EVL: variants seen among roughly 807,000 people sequenced by gnomAD.
The protein encoded by EVL is Enah/Vasp-like.
Under a neutral mutation model 59.6 loss-of-function variants are expected in EVL, and 21 were observed. The ratio of observed to expected loss-of-function variants is 0.35; its 90% CI spans 0.25 to 0.51. The LOEUF (loss-of-function observed/expected upper bound fraction) is 0.51. Among genes scored for constraint, EVL ranks in the 20% least tolerant of loss-of-function variants. The pLI is 0.97. For missense variants in EVL, 462 were observed against 546.6 expected (o/e 0.85, Z 1.54); for synonymous variants, 198 against 203.5 (o/e 0.97, Z 0.23).
At chr14:100,077,984 C>T (rs544871767) in intron 1 of EVL, among the ~76,000 whole-genome samples, 2 of 152,208 alleles carry the variant, frequency 1.3e-5, no homozygotes, top group East Asian at 1.9e-4. Context: ...ACCGGTTAGC[C>T]AGGATGGTCT....
At chr14:100,037,170 A>T (rs1248770001) in intron 1 of EVL, among the ~76,000 whole-genome samples, 1 of 152,192 alleles carries the variant, frequency 6.6e-6, no homozygotes, top group African/African-American at 2.4e-5. Flanking sequence ...TTTTTCTTTC[A>T]AAAGAAAGAA....
chr14:100,087,544 G>A (rs540860252), intron 2 of EVL, among the ~76,000 whole-genome samples: 46 of 152,294 alleles, frequency 3.0e-4, no homozygotes, highest in Admixed American at 2.7e-3. Flanking sequence ...AGTCCAGGAG[G>A]TTGAGGCTTC....
intron 3 of EVL, among the ~76,000 whole-genome samples, chr14:100,120,136 C>T (rs1485026223): frequency 6.6e-6 from 1 of 152,216 alleles, no homozygotes; most frequent in Non-Finnish European, 1.5e-5. Context: ...GGCATCGTTA[C>T]ACTGCTGCAT....
At chr14:99,991,819 T>C (rs116663807) in intron 1 of EVL, among the ~76,000 whole-genome samples, 232 of 152,312 alleles carry the variant, frequency 1.5e-3, no homozygotes, top group African/African-American at 5.4e-3. Flanking sequence ...TGACTGTTTA[T>C]GTTATCAGTA....
chr14:100,129,138 T>G (rs1888271225), intron 6 of EVL, among the ~76,000 whole-genome samples: 1 of 152,226 alleles, frequency 6.6e-6, no homozygotes, highest in Non-Finnish European at 1.5e-5. Flanking sequence ...TGCTGGCAAC[T>G]AGGTCCACCC....
intron 1 of EVL, among the ~76,000 whole-genome samples, chr14:99,982,624 T>C (rs2060814903): frequency 6.6e-6 from 1 of 152,090 alleles, no homozygotes; most frequent in Non-Finnish European, 1.5e-5. Context: ...TGTAGTTCTG[T>C]CTGCTCACCA....
chr14:100,072,942 A>G (rs1405016732), intron 1 of EVL, among the ~76,000 whole-genome samples: 1 of 152,202 alleles, frequency 6.6e-6, no homozygotes, highest in Non-Finnish European at 1.5e-5. Flanking sequence ...CGGATCAGCC[A>G]TGGGCGTTGG....
At chr14:99,982,031 GAGTGGCCGGTCCCTTCATGAAAC>G (rs2060810305) in intron 1 of EVL, among the ~76,000 whole-genome samples, 1 of 152,194 alleles carries the variant, frequency 6.6e-6, no homozygotes, top group Non-Finnish European at 1.5e-5. Flanking sequence ...AGGGTGAGAA[GAGTGGCCGGTCCCTTCATGAAAC>G]AGTTAAGGAG....
Position 100,006,955 on chromosome 14 carries a change from G to A in EVL, c.5+34898G>A, listed in dbSNP as rs187806078. Reference sequence around the variant, plus strand: ...TGAGCCATAAAGATAGCTCAAGCTGGTACAAGCACCAGTAGGAGATTTGTC... The same window carrying A: ...TGAGCCATAAAGATAGCTCAAGCTGATACAAGCACCAGTAGGAGATTTGTC... On this transcript the variant is annotated intron_variant, in intron 1 of 13. Coordinates refer to the EVL transcript ENST00000402714. Among the ~76,000 whole-genome samples the A allele has an allele frequency of 1.8e-4, 28 of 152,210 alleles. No homozygotes were observed. In the East Asian group the frequency reaches 5.2e-3, roughly 28 times the overall value.
chr14:100,031,048 A>G (rs952316624), intron 1 of EVL, among the ~76,000 whole-genome samples: 1 of 152,142 alleles, frequency 6.6e-6, no homozygotes, highest in Non-Finnish European at 1.5e-5. Context: ...CCTTCCAACA[A>G]TTGTAGCTAT....
intron 2 of EVL, among the ~76,000 whole-genome samples, chr14:100,091,154 A>T (rs2140310779): frequency 6.6e-6 from 1 of 152,256 alleles, no homozygotes; most frequent in East Asian, 1.9e-4. Flanking sequence ...AGAAAACAAG[A>T]GTCTCTCTCT....
intron 1 of EVL, among the ~76,000 whole-genome samples, chr14:100,000,340 CTTTTTTTTTTT>C (rs60864913): frequency 1.1e-4 from 11 of 99,848 alleles, no homozygotes; most frequent in African/African-American, 1.9e-4. Flanking sequence ...CTGTTGCATT[CTTTTTTTTTTT>C]TTTTTTTTTT....
intron 1 of EVL, among the ~76,000 whole-genome samples, chr14:99,998,268 C>T (rs577596866): frequency 6.6e-6 from 1 of 152,246 alleles, no homozygotes; most frequent in Non-Finnish European, 1.5e-5. Context: ...CCTCCCACCC[C>T]AGCCTCCCAA....
intron 2 of EVL, among the ~76,000 whole-genome samples, chr14:100,085,322 T>C (rs2062416201): frequency 6.6e-6 from 1 of 152,194 alleles, no homozygotes; most frequent in South Asian, 2.1e-4. Flanking sequence ...TCAGATAAGA[T>C]AGTTTGTGAG....
chr14:100,049,205 C>T (rs1424147579), intron 1 of EVL, among the ~76,000 whole-genome samples: 3 of 152,076 alleles, frequency 2.0e-5, no homozygotes, highest in Non-Finnish European at 4.4e-5. Flanking sequence ...TCCTATTTTT[C>T]TTTAAATGTT....
chr14:100,084,242 G>A (rs2062384409), intron 1 of EVL, among the ~76,000 whole-genome samples: 1 of 151,634 alleles, frequency 6.6e-6, no homozygotes, highest in Non-Finnish European at 1.5e-5. Flanking sequence ...AGAGGCAGGG[G>A]GCATCTCACC....
intron 1 of EVL, among the ~76,000 whole-genome samples, chr14:100,016,102 T>C (rs2061047859): frequency 6.6e-6 from 1 of 151,424 alleles, no homozygotes; most frequent in African/African-American, 2.4e-5. Context: ...AAAAATTAAT[T>C]ATTTATTAAT....
At chr14:100,125,851 G>A (rs866813146) in intron 4 of EVL, among the ~76,000 whole-genome samples, 2 of 152,262 alleles carry the variant, frequency 1.3e-5, no homozygotes, top group African/African-American at 4.8e-5. Context: ...ACCACGCCCA[G>A]CCATTCCATA....
At chr14:100,115,875 C>G (rs148530236) in intron 3 of EVL, among the ~76,000 whole-genome samples, 1 of 152,176 alleles carries the variant, frequency 6.6e-6, no homozygotes, top group Non-Finnish European at 1.5e-5. Flanking sequence ...GAGCTGAGCT[C>G]GGAGGATAGG....
Sources: allele counts gnomAD v4.1 joint callset (sites outside exome capture counted in the v4.1 genomes callset), GRCh38; gene constraint gnomAD v4.1.1; transcripts MANE v1.5; gene names NCBI Gene and HGNC (gene_info 2026-07-23, HGNC 2026-07-21).